PLEKHH2: variants seen among roughly 807,000 people sequenced by gnomAD.
The protein encoded by PLEKHH2 is pleckstrin homology, MyTH4 and FERM domain containing H2.
A neutral mutation model predicts 187.9 loss-of-function variants in PLEKHH2; 129 were observed. The ratio of observed to expected loss-of-function variants is 0.69; its 90% confidence interval spans 0.59 to 0.79. The LOEUF (loss-of-function observed/expected upper bound fraction) is 0.79. Among genes scored for constraint, PLEKHH2 ranks in the 30% least tolerant of loss-of-function variants. The pLI is 0.00. For missense variants in PLEKHH2, 2,076 were observed against 1,751.2 expected (o/e 1.19, Z -3.31); for synonymous variants, 686 against 605.6 (o/e 1.13, Z -1.95).
chr2:43,757,700 G>A (rs1388746101), intron 26 of PLEKHH2, among the ~76,000 whole-genome samples: 1 of 152,034 alleles, frequency 6.6e-6, no homozygotes, highest in Non-Finnish European at 1.5e-5. Context: ...TTAGAGGCGT[G>A]AGCCACTGTG....
chr2:43,749,524 T>A (rs866790269), intron 24 of PLEKHH2, among the ~76,000 whole-genome samples: 42 of 151,898 alleles, frequency 2.8e-4, no homozygotes, highest in African/African-American at 6.5e-4. Context: ...TCTTCAAAAA[T>A]TTTTTTTTAA....
chr2:43,758,666 C>T (rs1008419594), intron 26 of PLEKHH2, among the ~76,000 whole-genome samples: 3 of 152,082 alleles, frequency 2.0e-5, no homozygotes, highest in Non-Finnish European at 4.4e-5. Flanking sequence ...GCTGTGGGTA[C>T]CTAGTTCATG....
At position 43,731,722 on chromosome 2, in the gene PLEKHH2, A is replaced by G. The variant is rs144872195; in HGVS notation, c.2943+120A>G. On this transcript the variant is annotated intron_variant, in intron 19 of 29. Transcript: ENST00000282406. ...AAAATTTTACTCCAAGAAAATTCAA[A>G]ATGTGTTTATTATTAAGAATATCAT... 525 of 626,882 alleles carry G rather than the reference A, an allele frequency of 8.4e-4. 2 individuals are homozygous for G. The African/African-American group carries it at 9.1e-3, about 11-fold the overall frequency. 38.8% of individuals were successfully genotyped at this position (626,882 alleles called of 1,614,324 possible).
chr2:43,711,022 A>G, intron 14 of PLEKHH2: 4 of 995,384 alleles, frequency 4.0e-6, no homozygotes, highest in Non-Finnish European at 4.8e-6. Flanking sequence ...TGGGAAATAT[A>G]TTGGTGAGCA....
chr2:43,728,383 GC>G (rs1670873535), intron 17 of PLEKHH2, among the ~76,000 whole-genome samples: 1 of 149,590 alleles, frequency 6.7e-6, no homozygotes, highest in African/African-American at 2.5e-5. Flanking sequence ...GGAGGCTGAG[GC>G]AGGAGAATCA....
At chr2:43,749,335 A>G (rs1671914304) in intron 24 of PLEKHH2, among the ~76,000 whole-genome samples, 1 of 152,134 alleles carries the variant, frequency 6.6e-6, no homozygotes, top group Non-Finnish European at 1.5e-5. Flanking sequence ...CTTCACTTCA[A>G]GTTGTTCTGC....
intron 2 of PLEKHH2, among the ~76,000 whole-genome samples, chr2:43,649,136 T>G (rs1666346490): frequency 6.6e-6 from 1 of 152,178 alleles, no homozygotes; most frequent in Non-Finnish European, 1.5e-5. Context: ...CTTGGGCAAG[T>G]GCTGCTGTAA....
chr2:43,738,067 T>C (rs1454017254), intron 19 of PLEKHH2, among the ~76,000 whole-genome samples: 1 of 152,210 alleles, frequency 6.6e-6, no homozygotes, highest in Non-Finnish European at 1.5e-5. Context: ...ATTAAGTATG[T>C]AGATGTTTAG....
intron 1 of PLEKHH2, among the ~76,000 whole-genome samples, chr2:43,639,651 T>C (rs1004217481): frequency 1.9e-4 from 4 of 20,900 alleles, no homozygotes; most frequent in Admixed American, 6.7e-4. Context: ...GATGTACCAC[T>C]TTTTTTTTTT....
At chr2:43,673,962 G>T (rs1667606400) in intron 2 of PLEKHH2, among the ~76,000 whole-genome samples, 1 of 152,144 alleles carries the variant, frequency 6.6e-6, no homozygotes, top group Non-Finnish European at 1.5e-5. Flanking sequence ...GTACAAGATA[G>T]GAAGTCAGTG....
At position 43,717,422 on chromosome 2, in the gene PLEKHH2, A is replaced by C. The variant is rs1670266715; in HGVS notation, c.2461-3247A>C. Among the ~76,000 whole-genome samples the C allele has an allele frequency of 7.8e-5, 4 of 51,596 alleles. No homozygotes were observed. In the South Asian group the frequency reaches 2.7e-3, roughly 34 times the overall value. The allele number at this position is 51,596 out of a possible 152,430, so 33.8% of individuals were successfully genotyped here. A position where few individuals can be genotyped will look rare whatever the true frequency, so the allele number is the denominator to read the frequency against. On this transcript the variant is annotated intron_variant, in intron 15 of 29. Transcript: ENST00000282406. ...AACTGAGTGAGACTCCACCTCAAAC[A>C]AACAAACAAACAAACAAACAAACAA... is the stretch of plus-strand genomic sequence containing the variant.
chr2:43,733,600 G>A (rs6544697), intron 19 of PLEKHH2, among the ~76,000 whole-genome samples: 21,843 of 151,998 alleles, frequency 0.14, 2,612 homozygotes, highest in African/African-American at 0.33. Flanking sequence ...TGGAATTATT[G>A]TTATTTGTGG....
At chr2:43,681,635 G>T in intron 3 of PLEKHH2, 1 of 664,342 alleles carries the variant, frequency 1.5e-6, no homozygotes, top group Non-Finnish European at 2.7e-6. Flanking sequence ...ATGCATTTTT[G>T]TTCTCCTACC....
chr2:43,726,164 T>A lies in PLEKHH2; in HGVS notation c.2542-108T>A, dbSNP rs372395698. ...AAGGAAAATAAAAAATAAAGTAAAA[T>A]TTTTAAAGGTATGCTTTATAAATTT... On this transcript the variant is annotated intron_variant, in intron 16 of 29. Transcript: ENST00000282406. The A allele has an allele frequency of 5.6e-4, 426 of 760,176 alleles. 1 individual carries two copies. The highest frequency in any genetic ancestry group is 7.5e-4 in the Non-Finnish European group (373 of 499,516). 47.1% of individuals were successfully genotyped at this position (760,176 alleles called of 1,614,324 possible).
intron 6 of PLEKHH2, among the ~76,000 whole-genome samples, chr2:43,696,770 A>C (rs1024242586): frequency 3.3e-5 from 5 of 152,112 alleles, no homozygotes; most frequent in Non-Finnish European, 7.4e-5. Context: ...CCAGGACCTC[A>C]GTTTCTTTTT....
chr2:43,714,539 G>A (rs1241656851), intron 15 of PLEKHH2, among the ~76,000 whole-genome samples: 1 of 152,124 alleles, frequency 6.6e-6, no homozygotes, highest in Admixed American at 6.6e-5. Flanking sequence ...TACCTTGGAG[G>A]GGAGGAAGTT....
rs549729714 is a variant in PLEKHH2, at chr2:43,765,437, G to A, written c.4321G>A (p.Ala1441Thr). 4.3e-6 allele frequency: 7 copies of A among 1,613,766 alleles called. No individual in the cohort carries two copies. The highest frequency in any genetic ancestry group is 2.7e-5 in the African/African-American group (2 of 74,874). Residue 1441 changes from alanine (A) to threonine (T), a missense_variant, in exon 30 of 30, where the codon GCC (alanine) becomes ACC (threonine). By Grantham distance (58) the Ala-to-Thr change is moderately conservative (BLOSUM62 0). Coordinates refer to ENST00000282406, the MANE Select transcript of PLEKHH2 (RefSeq NM_172069.4). ...PKILEITLLI[A>T]SYINNFHQQK... is the part of the protein sequence containing the mutation. ...GATTCTTGAAATCACTCTTTTGATC[G>A]CCAGTTACATAAACAACTTCCATCA... is the stretch of plus-strand genomic sequence containing the variant.
rs550609300 is a variant in PLEKHH2 at position 43,654,932 on chromosome 2, C to T, written c.123+10136C>T. On this transcript the variant is annotated intron_variant, in intron 2 of 29. Transcript: ENST00000282406. ...GTCCCAGCTACTCAGGAGGCTGAGG[C>T]GGGGGTATTGCTTGAACCTGGGAGA... 3.0e-3 allele frequency among the ~76,000 whole-genome samples: 455 copies of T among 152,070 alleles called. 2 individuals carry two copies. Among genetic ancestry groups the T allele is most frequent in the African/African-American group, 0.01 (428 of 41,462 alleles).
chr2:43,682,920 C>G (rs1668278364), intron 3 of PLEKHH2, among the ~76,000 whole-genome samples: 1 of 148,688 alleles, frequency 6.7e-6, no homozygotes, highest in South Asian at 2.1e-4. Flanking sequence ...CTCATTATGG[C>G]TGAATAATGT....
Sources: allele counts gnomAD v4.1 joint callset (sites outside exome capture counted in the v4.1 genomes callset), GRCh38; gene constraint gnomAD v4.1.1; transcripts MANE v1.5; gene names NCBI Gene and HGNC (gene_info 2026-07-23, HGNC 2026-07-21).